The following REC8 variants were observed in gnomAD, a reference collection of about 807,000 sequenced individuals.
REC8 encodes the protein REC8 meiotic recombination protein.
A neutral mutation model predicts 78.3 loss-of-function variants in REC8; 42 were observed. The ratio of observed to expected loss-of-function variants is 0.54; its 90% confidence interval spans 0.42 to 0.69. REC8 has a LOEUF of 0.69. REC8 is among the 30% of genes least tolerant of loss of function. The pLI, the probability that REC8 is intolerant of heterozygous loss-of-function variation, is 0.00. For synonymous variants in REC8, 268 were observed against 274.1 expected (o/e 0.98, Z 0.22); for missense variants, 581 against 715.8 (o/e 0.81, Z 2.15).
rs757008950 is a variant in REC8, at chr14:24,173,350, A to T, written c.401A>T (p.Asp134Val). The T allele has an allele frequency of 6.2e-7, 1 of 1,614,144 alleles. No homozygotes were observed. Among genetic ancestry groups the T allele is most frequent in the Admixed American group, 1.7e-5 (1 of 60,018 alleles). Residue 134 changes from aspartate to valine, a missense_variant, in exon 5 of 19, where the codon GAT becomes GTT. Asp to Val is a radical substitution (Grantham distance 152, BLOSUM62 -3). Coordinates refer to ENST00000611366, the MANE Select transcript of REC8 (RefSeq NM_001048205.2). ...AMMETLEDAP[D>V]PFFGMMSVDP... is the part of the protein sequence containing the mutation. The stretch of plus-strand genomic sequence containing the variant: ...ATGGAGACCCTAGAAGATGCTCCAG[A>T]TCCCTTTTTTGGGATGATGTCTGTG...
chr14:24,179,505 T>C, intron 16 of REC8, 42 bp downstream of exon 16: 1 of 1,613,802 alleles, frequency 6.2e-7, no homozygotes, highest in Non-Finnish European at 8.5e-7. Flanking sequence ...CCACAGCCCT[T>C]GGCCAGGTGG....
chr14:24,178,696 C>T (rs34136797), intron 13 of REC8, 24 bp downstream of exon 13: 182,281 of 1,613,498 alleles, frequency 0.11, 12,009 homozygotes, highest in Admixed American at 0.29. Flanking sequence ...GGGTTGGGCA[C>T]GAAGTATCCT....
chr14:24,174,898 TACA>T (rs2038821435), intron 5 of REC8, among the ~76,000 whole-genome samples: 1 of 152,106 alleles, frequency 6.6e-6, no homozygotes, highest in African/African-American at 2.4e-5. Context: ...TGGGGTTACA[TACA>T]ACCTTGTCTC....
intron 5 of REC8, 69 bp downstream of exon 5, chr14:24,173,480 G>A: frequency 6.3e-7 from 1 of 1,590,798 alleles, no homozygotes; most frequent in Non-Finnish European, 8.6e-7. Context: ...GTGTCACTCT[G>A]ACATTGGGGT....
intron 11 of REC8, 127 bp from the exon 12 acceptor site, chr14:24,177,964 A>G: frequency 6.6e-7 from 1 of 1,514,498 alleles, no homozygotes; most frequent in Admixed American, 2.2e-5. Flanking sequence ...AAGTGCATGG[A>G]GACCCCGCAC....
rs746695509 is a variant in REC8, at chr14:24,172,600, C to T, written c.48C>T (p.Ala16=). ...TTCAGCGCCACACCGGCTGCTTTGC[C>T]ACCATCTGGTAAGGGCGGGGCCCGT... The part of the protein sequence containing the change: ...NVLQRHTGCF[A]TIWLAATRGS... The change falls in exon 1 of 19, where the codon GCC becomes GCT. Residue 16 remains alanine (A), a synonymous_variant. Transcript: ENST00000611366. 76 of 1,613,348 alleles carry T rather than the reference C, an allele frequency of 4.7e-5. No homozygotes were observed. Among genetic ancestry groups the T allele is most frequent in the Non-Finnish European group, 6.2e-5 (73 of 1,179,538 alleles).
Position 24,177,481 on chromosome 14 carries a change from G to C in REC8, c.754G>C (p.Glu252Gln). Residue 252 changes from glutamate to glutamine, a missense_variant, in exon 10 of 19, where the codon GAG (glutamate) becomes CAG (glutamine). Physicochemically the swap from Glu to Gln is conservative, Grantham distance 29. Coordinates refer to ENST00000611366, the MANE Select transcript of REC8 (RefSeq NM_001048205.2). ...TCCCCTCAGGGTGGAAGGAATAGGA[G>C]AGGCACTGGGTCCTGAGGAGCTGAG... ...PAPAEVEGIG[E>Q]ALGPEELRLT... 6.2e-7 allele frequency: 1 copy of C among 1,614,172 alleles called. No homozygotes were observed.
intron 5 of REC8, among the ~76,000 whole-genome samples, chr14:24,173,750 G>A (rs2038770480): frequency 6.6e-6 from 1 of 152,160 alleles, no homozygotes; most frequent in Non-Finnish European, 1.5e-5. Context: ...TACTCCTACA[G>A]CTTAATGTCA....
chr14:24,177,111 C>T (rs944535225), intron 7 of REC8, 30 bp from the exon 8 acceptor site: 3 of 1,600,680 alleles, frequency 1.9e-6, no homozygotes, highest in Non-Finnish European at 2.6e-6. Flanking sequence ...ATTATTGAAT[C>T]CCCTCCCCTT....
Position 24,177,738 on chromosome 14 carries a change from C to A in REC8, c.844C>A (p.Pro282Thr). 1 of 1,608,946 alleles carries A rather than the reference C, an allele frequency of 6.2e-7. No homozygotes were observed. Among genetic ancestry groups the A allele is most frequent in the South Asian group, 1.1e-5 (1 of 90,560 alleles). ...EVTPPEELRL[P>T]APPSPERRPP... ...GACCCCCCCGGAGGAGCTGCGTCTG[C>A]CAGCCCCACCCAGCCCAGAGGTGAG... The change falls in exon 11 of 19, where the codon CCA becomes ACA. Residue 282 changes from proline to threonine, a missense_variant. Coordinates refer to ENST00000611366, the MANE Select transcript of REC8 (RefSeq NM_001048205.2).
rs764113474 is a variant in REC8, at chr14:24,175,566, A to G, written c.486A>G (p.Ala162=). The change falls in exon 6 of 19, where the codon GCA becomes GCG. Residue 162 remains alanine, a synonymous_variant. Transcript: ENST00000611366. ...IPQIRHLLEA[A]IPERVEEIPP... is the part of the protein sequence containing the mutation. ...AGATTCGACACCTCTTAGAGGCTGC[A>G]ATCCCAGAGAGAGTTGAAGAGATCC... The G allele has an allele frequency of 6.2e-7, 1 of 1,614,108 alleles. No individual in the cohort carries two copies. Among genetic ancestry groups the G allele is most frequent in the Non-Finnish European group, 8.5e-7 (1 of 1,179,954 alleles).
chr14:24,177,806 C>A lies in REC8; in HGVS notation c.864+48C>A, dbSNP rs752511952. 11 of 1,515,682 alleles carry A rather than the reference C, an allele frequency of 7.3e-6. No homozygotes were observed. In the East Asian group the frequency reaches 2.3e-4, roughly 32 times the overall value. The allele number at this position is 1,515,682 out of a possible 1,614,324, so 93.9% of individuals were successfully genotyped here. A position where few individuals can be genotyped will look rare whatever the true frequency, so the allele number is the denominator to read the frequency against. On this transcript the variant is annotated intron_variant, in intron 11 of 18. Coordinates refer to ENST00000611366, the MANE Select transcript of REC8 (RefSeq NM_001048205.2). The stretch of plus-strand genomic sequence containing the variant: ...CTCCTCCTCCTCCTCTTTGCCCTCC[C>A]CCACAAGGACTGCCTCCCCAAGCCC...
At position 24,172,317 on chromosome 14, in the gene REC8, T is replaced by C. The variant is rs4761; in HGVS notation, c.-236T>C. The C allele has an allele frequency of 0.39, 211,566 of 549,196 alleles. 42,998 individuals carry two copies. Among genetic ancestry groups the C allele is most frequent in the African/African-American group, 0.54 (28,604 of 52,666 alleles). The allele number at this position is 549,196 out of a possible 1,614,324, so 34.0% of individuals were successfully genotyped here. On this transcript the variant is annotated 5_prime_UTR_variant, in exon 1 of 19. Transcript: ENST00000611366. Reference sequence around the variant, plus strand: ...CGCATCACGTGGCGTGCGGATCCACTGAGGGTCCACAGAGAGGGGCGCCCA... The same window carrying C: ...CGCATCACGTGGCGTGCGGATCCACCGAGGGTCCACAGAGAGGGGCGCCCA...
At position 24,172,518 on chromosome 14, in the gene REC8, T is replaced by C. The variant is rs778291087; in HGVS notation, c.-35T>C. On this transcript the variant is annotated 5_prime_UTR_variant, in exon 1 of 19. Coordinates refer to ENST00000611366, the MANE Select transcript of REC8 (RefSeq NM_001048205.2). ...ATTCCGACTCAGATCCGAACGGGGA[T>C]CTGGTGGAATCGAGGGTGAAAGACC... 3.1e-6 allele frequency: 5 copies of C among 1,595,194 alleles called. No individual in the cohort carries two copies. In the South Asian group the frequency reaches 5.6e-5, roughly 18 times the overall value.
At position 24,177,516 on chromosome 14, in the gene REC8, C is replaced by A; in HGVS notation, c.789C>A (p.Gly263=). The change falls in exon 10 of 19, where the codon GGC becomes GGA. Residue 263 remains glycine, a synonymous_variant. Transcript: ENST00000611366. ...ALGPEELRLT[G]WEPGALLMEV... Reference sequence around the variant, plus strand: ...GTCCTGAGGAGCTGAGGCTGACAGGCTGGGAACCTGGGGCCCTACTCATGG... The same window carrying A: ...GTCCTGAGGAGCTGAGGCTGACAGGATGGGAACCTGGGGCCCTACTCATGG... The A allele has an allele frequency of 1.2e-6, 2 of 1,613,874 alleles. No individual in the cohort carries two copies. The highest frequency in any genetic ancestry group is 1.7e-6 in the Non-Finnish European group (2 of 1,179,878).
downstream of REC8, chr14:24,180,282 G>C: frequency 1.3e-6 from 2 of 1,527,230 alleles, no homozygotes; most frequent in Non-Finnish European, 1.8e-6. Flanking sequence ...ATTTGTAACA[G>C]ATCCAGCCTC....
In REC8 at chr14:24,178,603, C is replaced by T. The variant is rs374525171; in HGVS notation, c.997-3C>T. On this transcript the variant is annotated splice_region_variant and splice_polypyrimidine_tract_variant and intron_variant, in intron 12 of 18. Coordinates refer to ENST00000611366, the MANE Select transcript of REC8 (RefSeq NM_001048205.2). The stretch of plus-strand genomic sequence containing the variant: ...GGGCTTCTGACCTTCCCCCACTACA[C>T]AGCCTATGGTGCAGCCGCCCGAGAG... The T allele has an allele frequency of 2.5e-6, 4 of 1,613,940 alleles. No homozygotes were observed. Among genetic ancestry groups the T allele is most frequent in the African/African-American group, 1.3e-5 (1 of 75,026 alleles).
Position 24,172,373 on chromosome 14 carries a change from T to A in REC8, c.-180T>A. 1.6e-6 allele frequency: 1 copy of A among 607,212 alleles called. No homozygotes were observed. The highest frequency in any genetic ancestry group is 2.9e-6 in the Non-Finnish European group (1 of 345,650). The allele number at this position is 607,212 out of a possible 1,614,324, so 37.6% of individuals were successfully genotyped here. A position where few individuals can be genotyped will look rare whatever the true frequency, so the allele number is the denominator to read the frequency against. The stretch of plus-strand genomic sequence containing the variant: ...TGCGTCTCAGTTATCCTGGTAATTG[T>A]GTATCTGCCCATTGTTCGTTGCCTC... On this transcript the variant is annotated 5_prime_UTR_variant, in exon 1 of 19. Coordinates refer to ENST00000611366, the MANE Select transcript of REC8 (RefSeq NM_001048205.2).
At chr14:24,179,249 G>A (rs1332739127) in intron 15 of REC8, 116 bp downstream of exon 15, 2 of 1,205,678 alleles carry the variant, frequency 1.7e-6, no homozygotes, top group East Asian at 2.3e-5. Flanking sequence ...GTGACATAAG[G>A]AAGCACGGAC....
Sources: allele counts gnomAD v4.1 joint callset (sites outside exome capture counted in the v4.1 genomes callset), GRCh38; gene constraint gnomAD v4.1.1; transcripts MANE v1.5; gene names NCBI Gene and HGNC (gene_info 2026-07-23, HGNC 2026-07-21).